Variants in ME1 observed in about 807,000 individuals in gnomAD.
ME1 encodes the protein NADP-dependent malic enzyme.
Under a neutral mutation model 66.4 loss-of-function variants are expected in ME1, and 74 were observed. The ratio of observed to expected loss-of-function variants is 1.11; its 90% CI spans 0.92 to 1.35. ME1 has a LOEUF of 1.35. Among genes scored for constraint, ME1 ranks in the 40% most tolerant of loss-of-function variants. ME1 has a pLI of 0.00. For missense variants in ME1, 750 were observed against 694.1 expected (o/e 1.08, Z -0.90); for synonymous variants, 251 against 235.6 (o/e 1.07, Z -0.60).
chr6:83,236,385 A>G (rs1790403847), intron 9 of ME1, among the ~76,000 whole-genome samples: 1 of 152,204 alleles, frequency 6.6e-6, no homozygotes, highest in Non-Finnish European at 1.5e-5. Flanking sequence ...TTGAATACAC[A>G]TAAAACAGCT....
chr6:83,310,851 G>T (rs1562477310), intron 6 of ME1, among the ~76,000 whole-genome samples: 1 of 152,168 alleles, frequency 6.6e-6, no homozygotes, highest in Non-Finnish European at 1.5e-5. Flanking sequence ...GCTGGGTAGA[G>T]AAAGCTTATG....
chr6:83,407,908 AG>A lies in ME1; in HGVS notation c.79-8del. On this transcript the variant is annotated splice_polypyrimidine_tract_variant and splice_region_variant and intron_variant, in intron 1 of 13. Transcript: ENST00000369705. ...CCAGGGTAAAGGCCAAGTCCTATAG[AG>A]AAAAAACACACACACACACACAACA... is the stretch of plus-strand genomic sequence containing the variant. The A allele has an allele frequency of 6.3e-7, 1 of 1,593,642 alleles. No homozygotes were observed. The highest frequency in any genetic ancestry group is 1.4e-5 in the African/African-American group (1 of 73,776).
rs1365576040 is a variant in ME1, at chr6:83,357,899, T to TCC, written c.363-5762_363-5761dup. On this transcript the variant is annotated intron_variant, in intron 3 of 13. Transcript: ENST00000369705. The stretch of plus-strand genomic sequence containing the variant: ...TCATGTTAGTTAATACTTAATAAAC[T>TCC]CCCCTCTCTCTCTCTCTCTCTCTCT... Among the ~76,000 whole-genome samples, 219 of 62,118 alleles carry TCC rather than the reference T, an allele frequency of 3.5e-3. 4 individuals are homozygous for TCC. Among genetic ancestry groups the TCC allele is most frequent in the African/African-American group, 0.015 (193 of 13,054 alleles). 40.8% of individuals were successfully genotyped at this position (62,118 alleles called of 152,430 possible). A position where few individuals can be genotyped will look rare whatever the true frequency, so the allele number is the denominator to read the frequency against.
rs548309183 is a variant in ME1, at chr6:83,239,481, A to C, written c.912+58T>G. ...TACGTCAAATCTTGAGTTAATGAGCAATTAACACTAATTATATGTTAGTTT... is the reference window on the plus strand; with the variant it reads ...TACGTCAAATCTTGAGTTAATGAGCCATTAACACTAATTATATGTTAGTTT... On this transcript the variant is annotated intron_variant, in intron 8 of 13. Coordinates refer to ENST00000369705, the MANE Select transcript of ME1 (RefSeq NM_002395.6). The C allele has an allele frequency of 2.2e-5, 25 of 1,157,864 alleles. No individual in the cohort carries two copies. In the East Asian group the frequency reaches 5.4e-4, roughly 25 times the overall value. 71.7% of individuals were successfully genotyped at this position (1,157,864 alleles called of 1,614,324 possible). A position where few individuals can be genotyped will look rare whatever the true frequency, so the allele number is the denominator to read the frequency against.
intron 1 of ME1, among the ~76,000 whole-genome samples, chr6:83,425,908 A>G (rs1770362108): frequency 8.7e-6 from 1 of 114,486 alleles, no homozygotes; most frequent in African/African-American, 4.7e-5. Flanking sequence ...CCAAAAGTCC[A>G]TGTGTTGTTA....
intron 4 of ME1, among the ~76,000 whole-genome samples, chr6:83,351,709 G>A (rs148643758): frequency 1.7e-3 from 259 of 152,280 alleles, no homozygotes; most frequent in African/African-American, 6.0e-3. Context: ...TGAATTAACA[G>A]ACTTTTTTTC....
At chr6:83,250,773 A>G (rs960789998) in intron 7 of ME1, among the ~76,000 whole-genome samples, 6 of 151,924 alleles carry the variant, frequency 3.9e-5, no homozygotes, top group Non-Finnish European at 7.4e-5. Flanking sequence ...CAACCTACCA[A>G]CTCCTTAGTT....
intron 2 of ME1, among the ~76,000 whole-genome samples, chr6:83,403,633 C>T (rs192149904): frequency 2.1e-4 from 32 of 152,132 alleles, no homozygotes; most frequent in African/African-American, 7.5e-4. Context: ...GGTATTTATC[C>T]GAATGCTCTC....
At chr6:83,354,314 A>G (rs9449612) in intron 3 of ME1, among the ~76,000 whole-genome samples, 9,005 of 152,064 alleles carry the variant, frequency 0.059, 487 homozygotes, top group African/African-American at 0.14. Context: ...TTTAGTAGAC[A>G]TGAGATGGGG....
At chr6:83,263,636 G>A (rs982746109) in intron 6 of ME1, among the ~76,000 whole-genome samples, 3 of 152,172 alleles carry the variant, frequency 2.0e-5, no homozygotes, top group African/African-American at 7.2e-5. Context: ...TCCATAGCAA[G>A]GCCCTAACTC....
At chr6:83,291,888 T>G (rs1424323761) in intron 6 of ME1, among the ~76,000 whole-genome samples, 3 of 152,042 alleles carry the variant, frequency 2.0e-5, no homozygotes, top group African/African-American at 7.2e-5. Context: ...ATCATTGATA[T>G]CCTTTCTTCT....
rs146480880 is a variant in ME1, at chr6:83,410,189, T to A, written c.79-2288A>T. On this transcript the variant is annotated intron_variant, in intron 1 of 13. Coordinates refer to ENST00000369705, the MANE Select transcript of ME1 (RefSeq NM_002395.6). ...TGCTTACAACAGTGCCTGACATAAA[T>A]AGAACTCAGAAATTTGTTGCAATAA... is the stretch of plus-strand genomic sequence containing the variant. Among the ~76,000 whole-genome samples, 9 of 152,260 alleles carry A rather than the reference T, an allele frequency of 5.9e-5. No individual in the cohort carries two copies. The East Asian group carries it at 1.7e-3, about 29-fold the overall frequency.
chr6:83,391,117 C>T (rs1477349713), intron 3 of ME1, among the ~76,000 whole-genome samples: 1 of 151,950 alleles, frequency 6.6e-6, no homozygotes, highest in Admixed American at 6.6e-5. Flanking sequence ...CAGGTTTTGT[C>T]CCAAATGAGA....
chr6:83,412,180 A>C (rs1195624999), intron 1 of ME1, among the ~76,000 whole-genome samples: 1 of 152,204 alleles, frequency 6.6e-6, no homozygotes, highest in Admixed American at 6.5e-5. Context: ...ACAATCCTTA[A>C]TATTTCCAAT....
intron 3 of ME1, chr6:83,392,494 T>C: frequency 3.8e-6 from 2 of 525,108 alleles, no homozygotes; most frequent in South Asian, 2.8e-5. Flanking sequence ...AAACTCTGGT[T>C]AAGTCGATAT....
intron 6 of ME1, among the ~76,000 whole-genome samples, chr6:83,275,313 G>T (rs1037466546): frequency 1.3e-5 from 2 of 149,826 alleles, no homozygotes; most frequent in East Asian, 2.0e-4. Context: ...CAGCCTGGGG[G>T]ACAGAGTGAG....
Position 83,425,896 on chromosome 6 carries a change from C to A in ME1, c.78+4981G>T, listed in dbSNP as rs886817461. On this transcript the variant is annotated intron_variant, in intron 1 of 13. Coordinates refer to ENST00000369705, the MANE Select transcript of ME1 (RefSeq NM_002395.6). Reference sequence around the variant, plus strand: ...ACTTCCTACTATGGTTTCAATCTGTCCCCAAAAGTCCATGTGTTGTTAATC... The same window carrying A: ...ACTTCCTACTATGGTTTCAATCTGTACCCAAAAGTCCATGTGTTGTTAATC... 3.1e-5 allele frequency among the ~76,000 whole-genome samples: 4 copies of A among 129,904 alleles called. No homozygotes were observed. In the East Asian group the frequency reaches 6.5e-4, roughly 21 times the overall value. The allele number at this position is 129,904 out of a possible 152,430, so 85.2% of individuals were successfully genotyped here.
intron 3 of ME1, among the ~76,000 whole-genome samples, chr6:83,377,454 T>C (rs1401468822): frequency 6.6e-6 from 1 of 152,190 alleles, no homozygotes; most frequent in South Asian, 2.1e-4. Flanking sequence ...CAAAAATGTC[T>C]TTTCAGAAAG....
chr6:83,308,789 A>G (rs1266742976), intron 6 of ME1, among the ~76,000 whole-genome samples: 2 of 151,970 alleles, frequency 1.3e-5, no homozygotes, highest in Non-Finnish European at 2.9e-5. Context: ...ATAAATAATT[A>G]AATATCAAAT....
Sources: gnomAD v4.1 joint callset for allele counts (sites outside exome capture counted in the v4.1 genomes callset) on GRCh38, gnomAD v4.1.1 for gene constraint, MANE v1.5 for transcripts, NCBI Gene and HGNC (gene_info 2026-07-23, HGNC 2026-07-21) for gene names.